Variants in LRRTM4 observed in about 807,000 individuals in gnomAD.
LRRTM4 encodes the protein leucine rich repeat transmembrane neuronal 4, also known as leucine-rich repeat transmembrane neuronal protein 4.
In LRRTM4, 25 loss-of-function variants were observed where a neutral mutation model predicts 47.6. The ratio of observed to expected loss-of-function variants is 0.53; its 90% CI spans 0.38 to 0.73. The LOEUF (loss-of-function observed/expected upper bound fraction) is 0.73, where lower values mean the gene tolerates loss of function less well. Ranked by LOEUF, LRRTM4 falls within the 30% of genes least tolerant of loss-of-function variation. The probability of loss-of-function intolerance (pLI) is 0.00; values close to 1 mark genes in which losing one functional copy is unlikely to be tolerated. For synonymous variants in LRRTM4, 311 were observed against 269.5 expected (o/e 1.15, Z -1.51); for missense variants, 638 against 713.4 (o/e 0.89, Z 1.20).
At chr2:77,422,761 A>G (rs1229724053) in intron 3 of LRRTM4, among the ~76,000 whole-genome samples, 1 of 152,152 alleles carries the variant, frequency 6.6e-6, no homozygotes, top group Admixed American at 6.5e-5. Flanking sequence ...GGAATATGGT[A>G]TGATGTTGGT....
chr2:77,452,952 T>C (rs2103955169), intron 3 of LRRTM4, among the ~76,000 whole-genome samples: 1 of 152,252 alleles, frequency 6.6e-6, no homozygotes, highest in Non-Finnish European at 1.5e-5. Flanking sequence ...AATTTGTTGA[T>C]AATTTCTATG....
intron 3 of LRRTM4, among the ~76,000 whole-genome samples, chr2:77,039,912 A>G (rs1678967282): frequency 6.6e-6 from 1 of 151,146 alleles, no homozygotes; most frequent in Non-Finnish European, 1.5e-5. Context: ...ATTAGTTAAT[A>G]TTAATAAAAT....
At chr2:77,179,198 G>C (rs1673282587) in intron 3 of LRRTM4, among the ~76,000 whole-genome samples, 1 of 152,146 alleles carries the variant, frequency 6.6e-6, no homozygotes, top group Non-Finnish European at 1.5e-5. Flanking sequence ...GCAAAACTTA[G>C]ATCTTTGAAT....
chr2:76,928,290 A>G (rs766453654), intron 3 of LRRTM4, among the ~76,000 whole-genome samples: 2 of 152,190 alleles, frequency 1.3e-5, no homozygotes, highest in Non-Finnish European at 2.9e-5. Flanking sequence ...CAGTTCTCTC[A>G]TTTAAAACAT....
intron 3 of LRRTM4, among the ~76,000 whole-genome samples, chr2:77,219,126 C>A (rs1573094213): frequency 6.6e-6 from 1 of 152,026 alleles, no homozygotes; most frequent in Non-Finnish European, 1.5e-5. Context: ...ATAAAAGAGG[C>A]AAGAACAATC....
At chr2:77,469,773 T>C (rs956728521) in intron 3 of LRRTM4, among the ~76,000 whole-genome samples, 1 of 152,072 alleles carries the variant, frequency 6.6e-6, no homozygotes, top group South Asian at 2.1e-4. Flanking sequence ...ATTGCTATAA[T>C]TATGCTTGGT....
At chr2:76,945,754 AGT>A (rs71376806) in intron 3 of LRRTM4, among the ~76,000 whole-genome samples, 2,979 of 150,218 alleles carry the variant, frequency 0.02, 82 homozygotes, top group African/African-American at 0.064. Flanking sequence ...AGTGTGTAGA[AGT>A]GTGTGTGTGT....
chr2:76,748,532 T>C lies in LRRTM4; in HGVS notation c.*163A>G, dbSNP rs908666739. ...TGCTGCAGGTGCATTCGCTGCCCTCTTCAAGCAGTTTTTTTTTCTCTTTTT... is the reference window on the plus strand; with the variant it reads ...TGCTGCAGGTGCATTCGCTGCCCTCCTCAAGCAGTTTTTTTTTCTCTTTTT... On this transcript the variant is annotated 3_prime_UTR_variant, in exon 4 of 4. Transcript: ENST00000409884. 1.6e-6 allele frequency: 1 copy of C among 625,756 alleles called. No individual in the cohort carries two copies. The highest frequency in any genetic ancestry group is 1.9e-5 in the African/African-American group (1 of 54,040). 38.8% of individuals were successfully genotyped at this position (625,756 alleles called of 1,614,324 possible).
chr2:76,777,142 T>G (rs1381760949), intron 3 of LRRTM4, among the ~76,000 whole-genome samples: 1 of 150,356 alleles, frequency 6.7e-6, no homozygotes, highest in Non-Finnish European at 1.5e-5. Context: ...ACCAGTACCA[T>G]GCTGTTTTGG....
At chr2:76,920,616 G>C (rs1008310870) in intron 3 of LRRTM4, among the ~76,000 whole-genome samples, 2 of 151,532 alleles carry the variant, frequency 1.3e-5, no homozygotes, top group African/African-American at 4.8e-5. Flanking sequence ...GGGAGACTCA[G>C]CTAGTAGATA....
chr2:77,269,927 T>G (rs2104066574), intron 3 of LRRTM4, among the ~76,000 whole-genome samples: 1 of 152,360 alleles, frequency 6.6e-6, no homozygotes, highest in African/African-American at 2.4e-5. Context: ...GCCTGGTAAC[T>G]AAGTAACATA....
rs1166321362 is a variant in LRRTM4 at position 76,955,240 on chromosome 2, C to CA, written c.1552-206325dup. Among the ~76,000 whole-genome samples, 329 of 151,508 alleles carry CA rather than the reference C, an allele frequency of 2.2e-3. 5 individuals carry two copies. The highest frequency in any genetic ancestry group is 2.8e-4 in the Non-Finnish European group (19 of 67,744). ...CTTTTAATTCTGAAGTAGGAGTTAA[C>CA]AAAAAAGTATAAAAATAACTACAAC... On this transcript the variant is annotated intron_variant, in intron 3 of 3. Coordinates refer to ENST00000409884, the MANE Select transcript of LRRTM4 (RefSeq NM_001134745.3).
At position 77,494,651 on chromosome 2, in the gene LRRTM4, T is replaced by A. The variant is rs1678293747; in HGVS notation, c.1551+23667A>T. On this transcript the variant is annotated intron_variant, in intron 3 of 3. Coordinates refer to ENST00000409884, the MANE Select transcript of LRRTM4 (RefSeq NM_001134745.3). ...GTATTTTAATAGATTTATGGAATTA[T>A]AATTGATGTAGAATATACTACGCAT... is the stretch of plus-strand genomic sequence containing the variant. 2.6e-5 allele frequency among the ~76,000 whole-genome samples: 4 copies of A among 152,128 alleles called. No individual in the cohort carries two copies. In the South Asian group the frequency reaches 8.3e-4, roughly 31 times the overall value.
intron 3 of LRRTM4, among the ~76,000 whole-genome samples, chr2:77,240,311 C>T (rs1054021060): frequency 3.3e-5 from 5 of 151,770 alleles, no homozygotes; most frequent in African/African-American, 9.7e-5. Context: ...ACCATATGAC[C>T]ATCTCAACGA....
intron 3 of LRRTM4, among the ~76,000 whole-genome samples, chr2:76,979,932 C>A (rs1346912973): frequency 6.6e-6 from 1 of 151,950 alleles, no homozygotes; most frequent in Non-Finnish European, 1.5e-5. Flanking sequence ...ATCCAAATTA[C>A]CCCACACTGC....
At chr2:77,067,155 A>G (rs187969048) in intron 3 of LRRTM4, among the ~76,000 whole-genome samples, 24 of 152,336 alleles carry the variant, frequency 1.6e-4, no homozygotes, top group Admixed American at 1.5e-3. Flanking sequence ...CAAAGTGAGT[A>G]TCTGGCAGGA....
chr2:77,319,576 C>A (rs950177943), intron 3 of LRRTM4, among the ~76,000 whole-genome samples: 1 of 152,172 alleles, frequency 6.6e-6, no homozygotes, highest in Non-Finnish European at 1.5e-5. Flanking sequence ...TTCAGCTTAT[C>A]CTTATGTCCC....
intron 3 of LRRTM4, among the ~76,000 whole-genome samples, chr2:77,289,748 G>A (rs1676768082): frequency 6.6e-6 from 1 of 151,940 alleles, no homozygotes; most frequent in Admixed American, 6.6e-5. Context: ...CAATTTAATT[G>A]TTTGAAATTA....
At chr2:77,106,551 CTT>C (rs1466007295) in intron 3 of LRRTM4, among the ~76,000 whole-genome samples, 1 of 151,546 alleles carries the variant, frequency 6.6e-6, no homozygotes, top group Non-Finnish European at 1.5e-5. Context: ...TAAAAAAAAA[CTT>C]AATGAAGAGA....
Sources: allele counts gnomAD v4.1 joint callset (sites outside exome capture counted in the v4.1 genomes callset), GRCh38; gene constraint gnomAD v4.1.1; transcripts MANE v1.5; gene names NCBI Gene and HGNC (gene_info 2026-07-23, HGNC 2026-07-21).